The following SEZ6 variants were observed in gnomAD, a reference collection of about 807,000 sequenced individuals.
SEZ6 encodes the protein seizure protein 6 homolog.
In SEZ6, 53 loss-of-function variants were observed where a neutral mutation model predicts 101.0. The ratio of observed to expected loss-of-function variants is 0.52; its 90% CI spans 0.42 to 0.66. The LOEUF (loss-of-function observed/expected upper bound fraction) is 0.66, where lower values mean the gene tolerates loss of function less well. SEZ6 is among the 30% of genes least tolerant of loss of function. The pLI, the probability that SEZ6 is intolerant of heterozygous loss-of-function variation, is 0.00. For missense variants in SEZ6, 1,102 were observed against 1,289.4 expected (o/e 0.85, Z 2.23); for synonymous variants, 488 against 512.2 (o/e 0.95, Z 0.64).
intron 4 of SEZ6, 128 bp downstream of exon 4, chr17:28,969,629 T>G: frequency 2.3e-6 from 2 of 855,898 alleles, no homozygotes; most frequent in Non-Finnish European, 3.3e-6. Context: ...TCACTGGACA[T>G]TTGTGCTATG....
In SEZ6 at chr17:28,959,938, A is replaced by AAC. The variant is rs768773959; in HGVS notation, c.1577-48_1577-47dup. 6.4e-7 allele frequency: 1 copy of AAC among 1,559,048 alleles called. No individual in the cohort carries two copies. The highest frequency in any genetic ancestry group is 1.2e-5 in the South Asian group (1 of 85,082). On this transcript the variant is annotated intron_variant, in intron 7 of 16. Transcript: ENST00000317338. This position sits in a 1 kb window ranked among gnomAD's most constrained non-coding sequence, Gnocchi z 4.4. ...CCCAGCTCAGCCTTGACTGGTATTA[A>AAC]ACACAGTGGGCAAGCATCCCCCTAC...
In SEZ6 at chr17:28,964,078, G is replaced by A; in HGVS notation, c.1124C>T (p.Pro375Leu). ...ACAATGGAAGCGGGCACTACCCCCT[G>A]GGTGGAGGCTGGTGACAGTCACATC... Reference protein sequence around the residue: ...YGDVTVTSLHPGGSARFHCAT... With the variant: ...YGDVTVTSLHLGGSARFHCAT... The change falls in exon 5 of 17, where the codon CCA becomes CTA. Residue 375 changes from proline to leucine, a missense_variant. Physicochemically the swap from Pro to Leu is moderately conservative, Grantham distance 98 (BLOSUM62 -3). Around this residue, in one of 3 missense-constraint regions of SEZ6, gnomAD observed 556 missense variants for 735.1 expected, o/e 0.76. Coordinates refer to ENST00000317338, the MANE Select transcript of SEZ6 (RefSeq NM_178860.5). The A allele has an allele frequency of 6.2e-7, 1 of 1,607,874 alleles. No individual in the cohort carries two copies. The highest frequency in any genetic ancestry group is 1.1e-5 in the South Asian group (1 of 89,644).
At position 28,955,646 on chromosome 17, in the gene SEZ6, A is replaced by G. The variant is rs1214487097; in HGVS notation, c.*316T>C. Reference sequence around the variant, plus strand: ...TACTCCTGCTCTGCTAGTGTGTTCCAGGCTGGTCCAGGGCATGAGGAGGCT... The same window carrying G: ...TACTCCTGCTCTGCTAGTGTGTTCCGGGCTGGTCCAGGGCATGAGGAGGCT... On this transcript the variant is annotated 3_prime_UTR_variant, in exon 17 of 17. Transcript: ENST00000317338. The G allele has an allele frequency of 1.0e-5, 6 of 589,634 alleles. No homozygotes were observed. The highest frequency in any genetic ancestry group is 7.3e-5 in the African/African-American group (4 of 54,582). 36.5% of individuals were successfully genotyped at this position (589,634 alleles called of 1,614,324 possible).
At chr17:28,996,091 C>T (rs1162528316) in intron 1 of SEZ6, among the ~76,000 whole-genome samples, 1 of 151,586 alleles carries the variant, frequency 6.6e-6, no homozygotes, top group Non-Finnish European at 1.5e-5. Context: ...AGCTCCGCCT[C>T]CCGGGTTCAC....
At chr17:28,994,061 C>T (rs1481748677) in intron 1 of SEZ6, among the ~76,000 whole-genome samples, 1 of 152,214 alleles carries the variant, frequency 6.6e-6, no homozygotes, top group African/African-American at 2.4e-5. Context: ...GACCCCTGGG[C>T]TACCCTGATG....
intron 3 of SEZ6, among the ~76,000 whole-genome samples, chr17:28,972,772 A>C (rs1224191833): frequency 6.6e-6 from 1 of 152,186 alleles, no homozygotes; most frequent in Non-Finnish European, 1.5e-5. Context: ...GCAGCATATA[A>C]TTCCGCCTTA....
In SEZ6 at chr17:28,958,076, G is replaced by A; in HGVS notation, c.2173C>T (p.Gln725Ter). ...ACGGTGCCGTGCACTAGCTCAGGCT[G>A]CGATGGGCTCTTCCAGCCATTGGGG... ...EIPNGWKSPS[Q>*]PELVHGTVVT... The change falls in exon 11 of 17, where the codon CAG becomes TAG. Residue 725 changes from glutamine (Q) to a stop codon, truncating the protein, a stop_gained. Coordinates refer to ENST00000317338, the MANE Select transcript of SEZ6 (RefSeq NM_178860.5). LOFTEE classifies it high-confidence loss of function. 6.2e-7 allele frequency: 1 copy of A among 1,611,892 alleles called. No individual in the cohort carries two copies. The highest frequency in any genetic ancestry group is 8.5e-7 in the Non-Finnish European group (1 of 1,178,208).
intron 3 of SEZ6, among the ~76,000 whole-genome samples, chr17:28,979,283 C>T (rs1210681173): frequency 6.6e-6 from 1 of 152,146 alleles, no homozygotes; most frequent in African/African-American, 2.4e-5. Context: ...CCTCTGCATC[C>T]CAGAAGCCAG....
chr17:29,005,752 CCTT>C lies in SEZ6; in HGVS notation c.55+60_55+62del. 6.9e-7 allele frequency: 1 copy of C among 1,447,514 alleles called. No individual in the cohort carries two copies. The highest frequency in any genetic ancestry group is 9.2e-7 in the Non-Finnish European group (1 of 1,092,654). The allele number at this position is 1,447,514 out of a possible 1,614,324, so 89.7% of individuals were successfully genotyped here. ...TGCCCGAAGCTGGGCACCGGGTCTC[CCTT>C]CCCACCCCTGGGGCCCCGCTCCCGC... is the stretch of plus-strand genomic sequence containing the variant. On this transcript the variant is annotated intron_variant, in intron 1 of 16. Coordinates refer to ENST00000317338, the MANE Select transcript of SEZ6 (RefSeq NM_178860.5). This position sits in a 1 kb window ranked among gnomAD's most constrained non-coding sequence, Gnocchi z 4.8.
At position 28,983,909 on chromosome 17, in the gene SEZ6, T is replaced by G. The variant is rs183003420; in HGVS notation, c.56-1870A>C. ...GAAGCAGCAGATGGCCTACGTTCTG[T>G]TCAGGAGACCATAGCAGCTCTGATG... On this transcript the variant is annotated intron_variant, in intron 1 of 16. Coordinates refer to ENST00000317338, the MANE Select transcript of SEZ6 (RefSeq NM_178860.5). Among the ~76,000 whole-genome samples, 609 of 152,172 alleles carry G rather than the reference T, an allele frequency of 4.0e-3. 2 individuals are homozygous for G. The highest frequency in any genetic ancestry group is 5.8e-3 in the Non-Finnish European group (396 of 67,980).
intron 1 of SEZ6, among the ~76,000 whole-genome samples, chr17:28,994,934 T>C (rs1349676881): frequency 6.6e-6 from 1 of 151,772 alleles, no homozygotes; most frequent in African/African-American, 2.4e-5. Flanking sequence ...AGTGCAGTGG[T>C]GCGATCTTGA....
chr17:28,983,489 T>C (rs976352521), intron 1 of SEZ6, among the ~76,000 whole-genome samples: 2 of 152,162 alleles, frequency 1.3e-5, no homozygotes, highest in African/African-American at 4.8e-5. Flanking sequence ...ATCAATGAGA[T>C]TGGCTCTGGG....
chr17:28,990,045 C>G (rs1048402375), intron 1 of SEZ6, among the ~76,000 whole-genome samples: 1 of 152,108 alleles, frequency 6.6e-6, no homozygotes, highest in Non-Finnish European at 1.5e-5. Flanking sequence ...GCACTCCATC[C>G]TGGGCGACAA....
chr17:28,998,169 C>T (rs1327235897), intron 1 of SEZ6, among the ~76,000 whole-genome samples: 4 of 151,868 alleles, frequency 2.6e-5, no homozygotes, highest in African/African-American at 7.3e-5. Context: ...GAGAAGGGTC[C>T]GCTTTGGTGT....
chr17:28,982,181 A>G, intron 1 of SEZ6, 142 bp from the exon 2 acceptor site: 3 of 1,403,276 alleles, frequency 2.1e-6, no homozygotes, highest in Non-Finnish European at 2.8e-6. Context: ...ACGGAACTAC[A>G]GAATTTGTGA....
At chr17:28,970,095 G>A (rs2041130397) in intron 3 of SEZ6, 143 bp from the exon 4 acceptor site, 1 of 690,722 alleles carries the variant, frequency 1.4e-6, no homozygotes, top group Non-Finnish European at 2.2e-6. Flanking sequence ...GCCCTGAGCT[G>A]GGCACTTCAG....
At chr17:28,978,933 A>T (rs894096380) in intron 3 of SEZ6, among the ~76,000 whole-genome samples, 2 of 151,928 alleles carry the variant, frequency 1.3e-5, no homozygotes, top group Non-Finnish European at 2.9e-5. Context: ...AATTGATGGG[A>T]CTGGGGGAAG....
chr17:28,958,424 A>G (rs2040919010), intron 10 of SEZ6, among the ~76,000 whole-genome samples: 1 of 152,206 alleles, frequency 6.6e-6, no homozygotes. Flanking sequence ...GGTGAGGGAA[A>G]TCGTCACTTC....
At chr17:29,004,648 G>C (rs1403360229) in intron 1 of SEZ6, among the ~76,000 whole-genome samples, 1 of 152,194 alleles carries the variant, frequency 6.6e-6, no homozygotes, top group Admixed American at 6.5e-5. Flanking sequence ...GAAAGATCGA[G>C]CAGGGAGGTT....
Sources: allele counts gnomAD v4.1 joint callset (sites outside exome capture counted in the v4.1 genomes callset), GRCh38; gene constraint gnomAD v4.1.1; regional missense constraint gnomAD v4.1.1; non-coding constraint Gnocchi (gnomAD v3.1); transcripts MANE v1.5; gene names NCBI Gene and HGNC (gene_info 2026-07-23, HGNC 2026-07-21).